The following CELF4 variants were observed in gnomAD, a reference collection of about 807,000 sequenced individuals.
CELF4 encodes CUGBP Elav-like family member 4.
In CELF4, 18 loss-of-function variants were observed where a neutral mutation model predicts 59.9. The ratio of observed to expected loss-of-function variants is 0.30; its 90% CI spans 0.21 to 0.45. The LOEUF is 0.45. Among genes scored for constraint, CELF4 ranks in the 20% least tolerant of loss-of-function variants. The pLI, the probability that CELF4 is intolerant of heterozygous loss-of-function variation, is 1.00. For missense variants in CELF4, 456 were observed against 689.0 expected (o/e 0.66, Z 3.79); for synonymous variants, 261 against 267.1 (o/e 0.98, Z 0.22).
intron 1 of CELF4, among the ~76,000 whole-genome samples, chr18:37,522,972 C>T (rs1465412010): frequency 4.6e-5 from 7 of 152,160 alleles, no homozygotes; most frequent in Admixed American, 2.0e-4. Flanking sequence ...TGGAGAGCCA[C>T]GGGGCCATAT....
chr18:37,247,850 C>T (rs1411112497), intron 12 of CELF4, among the ~76,000 whole-genome samples: 2 of 152,176 alleles, frequency 1.3e-5, no homozygotes, highest in African/African-American at 4.8e-5. Context: ...TCTCAGGGAG[C>T]AGGCGCTCTG....
chr18:37,395,001 A>C (rs2099225206), intron 2 of CELF4, among the ~76,000 whole-genome samples: 1 of 116,118 alleles, frequency 8.6e-6, no homozygotes, highest in Non-Finnish European at 1.7e-5. Flanking sequence ...TCTGCCACCC[A>C]CCCCTGCAGA....
At chr18:37,482,794 G>A (rs1253733868) in intron 2 of CELF4, among the ~76,000 whole-genome samples, 1 of 152,178 alleles carries the variant, frequency 6.6e-6, no homozygotes, top group Non-Finnish European at 1.5e-5. Flanking sequence ...GCAACAGGAT[G>A]CGAGCTCCAT....
intron 2 of CELF4, among the ~76,000 whole-genome samples, chr18:37,366,348 G>A (rs2098782771): frequency 6.6e-6 from 1 of 152,184 alleles, no homozygotes; most frequent in Non-Finnish European, 1.5e-5. Flanking sequence ...CCAGATGTCA[G>A]CTCTCCTGTG....
chr18:37,377,456 A>T (rs987125868), intron 2 of CELF4, among the ~76,000 whole-genome samples: 3 of 152,206 alleles, frequency 2.0e-5, no homozygotes, highest in Admixed American at 2.0e-4. Flanking sequence ...GGACCCAGGC[A>T]TGGGATGCTT....
chr18:37,328,902 C>T (rs1164312522), intron 2 of CELF4, among the ~76,000 whole-genome samples: 13 of 152,166 alleles, frequency 8.5e-5, no homozygotes, highest in Admixed American at 2.6e-4. Context: ...TTGTTCCAAG[C>T]GCCAAAATAA....
At chr18:37,267,471 T>C (rs1050427231) in intron 8 of CELF4, among the ~76,000 whole-genome samples, 2 of 152,048 alleles carry the variant, frequency 1.3e-5, no homozygotes. Flanking sequence ...AGGCTGGTGG[T>C]GACTAATGTG....
intron 2 of CELF4, among the ~76,000 whole-genome samples, chr18:37,448,117 C>T (rs1233977968): frequency 1.3e-5 from 2 of 152,216 alleles, no homozygotes; most frequent in South Asian, 2.1e-4. Context: ...TGCAGAGCAT[C>T]GCATAGTCAT....
intron 2 of CELF4, among the ~76,000 whole-genome samples, chr18:37,324,747 C>T (rs2097244890): frequency 6.6e-6 from 1 of 152,190 alleles, no homozygotes; most frequent in East Asian, 1.9e-4. Context: ...GGATCCATAA[C>T]ACCCCTGAGA....
intron 3 of CELF4, among the ~76,000 whole-genome samples, chr18:37,284,406 C>A (rs2094528563): frequency 6.6e-6 from 1 of 152,288 alleles, no homozygotes; most frequent in South Asian, 2.1e-4. Context: ...CCTCTGGGAG[C>A]CTGGCCTGGG....
intron 2 of CELF4, among the ~76,000 whole-genome samples, chr18:37,458,704 C>T (rs2099785476): frequency 6.6e-6 from 1 of 152,092 alleles, no homozygotes; most frequent in Non-Finnish European, 1.5e-5. Context: ...TTTGCAGAAC[C>T]GGGCATCACA....
rs1342024157 is a variant in CELF4 at position 37,298,614 on chromosome 18, A to G, written c.448+23189T>C. On this transcript the variant is annotated intron_variant, in intron 3 of 12. Transcript: ENST00000420428. The stretch of plus-strand genomic sequence containing the variant: ...GTGTGGTGGCACACACCTCCCAGCT[A>G]CTCCGGAGGCTGAGGCAGGAGAATC... 1.2e-4 allele frequency among the ~76,000 whole-genome samples: 18 copies of G among 151,580 alleles called. 1 individual carries two copies. Among genetic ancestry groups the G allele is most frequent in the Non-Finnish European group, 1.5e-5 (1 of 67,962 alleles).
chr18:37,257,810 A>C (rs529169678), intron 11 of CELF4, among the ~76,000 whole-genome samples: 1 of 152,034 alleles, frequency 6.6e-6, no homozygotes, highest in Non-Finnish European at 1.5e-5. Flanking sequence ...CTCTCTGGGG[A>C]CTGGACTCTT....
rs71381583 is a variant in CELF4 at position 37,470,836 on chromosome 18, CTGTGTGTGTGTGTGTGTG to C, written c.369+14671_369+14688del. ...AGGCAGATCCTGACTCTTCATGACTCTGTGTGTGTGTGTGTGTGTGTGTGTGTGTGTGTGTGTGTGTGT... is the reference window on the plus strand; with the variant it reads ...AGGCAGATCCTGACTCTTCATGACTCTGTGTGTGTGTGTGTGTGTGTGTGT... On this transcript the variant is annotated intron_variant, in intron 2 of 12. Coordinates refer to ENST00000420428, the MANE Select transcript of CELF4 (RefSeq NM_020180.4). Among the ~76,000 whole-genome samples the C allele has an allele frequency of 1.3e-3, 120 of 93,200 alleles. 2 individuals are homozygous for C. Among genetic ancestry groups the C allele is most frequent in the South Asian group, 8.8e-3 (17 of 1,934 alleles). 61.1% of individuals were successfully genotyped at this position (93,200 alleles called of 152,430 possible).
chr18:37,263,816 G>A (rs934785306), intron 10 of CELF4, among the ~76,000 whole-genome samples: 6 of 151,976 alleles, frequency 3.9e-5, no homozygotes, highest in Non-Finnish European at 5.9e-5. Flanking sequence ...CCCTGCCCAC[G>A]CAGTCCTGCC....
chr18:37,310,813 C>T (rs1000128567), intron 3 of CELF4, among the ~76,000 whole-genome samples: 1 of 152,136 alleles, frequency 6.6e-6, no homozygotes, highest in African/African-American at 2.4e-5. Context: ...TGGAGGACAC[C>T]ACCTAGCCCT....
intron 1 of CELF4, among the ~76,000 whole-genome samples, chr18:37,544,889 A>G (rs1307937970): frequency 6.6e-6 from 1 of 152,186 alleles, no homozygotes; most frequent in Admixed American, 6.5e-5. Flanking sequence ...AAGCCGCAGC[A>G]TTGTTGACAA....
chr18:37,406,372 C>CGTG (rs2099389339), intron 2 of CELF4, among the ~76,000 whole-genome samples: 1 of 152,116 alleles, frequency 6.6e-6, no homozygotes, highest in Non-Finnish European at 1.5e-5. Flanking sequence ...GGATAGCTCA[C>CGTG]TAAAAACATG....
chr18:37,526,883 C>CGG lies in CELF4; in HGVS notation c.286+38472_286+38473insCC, dbSNP rs200481308. Among the ~76,000 whole-genome samples, 872 of 148,792 alleles carry CGG rather than the reference C, an allele frequency of 5.9e-3. 15 individuals are homozygous for CGG. The highest frequency in any genetic ancestry group is 0.05 in the South Asian group (235 of 4,656). On this transcript the variant is annotated intron_variant, in intron 1 of 12. Coordinates refer to ENST00000420428, the MANE Select transcript of CELF4 (RefSeq NM_020180.4). ...ACGTAACCTGTCCATTATGAAAACT[C>CGG]GATTTGCAAGGTATGGTCACCACAC...
Sources: allele counts gnomAD v4.1 joint callset (sites outside exome capture counted in the v4.1 genomes callset), GRCh38; gene constraint gnomAD v4.1.1; transcripts MANE v1.5; gene names NCBI Gene and HGNC (gene_info 2026-07-23, HGNC 2026-07-21).